PAX5: variants seen among roughly 807,000 people sequenced by gnomAD.
The protein encoded by PAX5 is paired box protein Pax-5.
Under a neutral mutation model 43.7 loss-of-function variants are expected in PAX5, and 9 were observed. The ratio of observed to expected loss-of-function variants is 0.21; its 90% CI spans 0.12 to 0.36. The LOEUF is 0.36. Ranked by LOEUF, PAX5 falls within the 10% of genes least tolerant of loss-of-function variation. The probability of loss-of-function intolerance (pLI) is 1.00; values close to 1 mark genes in which losing one functional copy is unlikely to be tolerated. For synonymous variants in PAX5, 228 were observed against 214.3 expected (o/e 1.06, Z -0.56); for missense variants, 383 against 532.7 (o/e 0.72, Z 2.77).
chr9:36,950,988 C>T (rs1832957069), intron 6 of PAX5, among the ~76,000 whole-genome samples: 1 of 152,058 alleles, frequency 6.6e-6, no homozygotes, highest in Non-Finnish European at 1.5e-5. Context: ...GTGATCCGCC[C>T]ACCTCGGCCT....
At chr9:36,856,143 C>T (rs147236080) in intron 8 of PAX5, among the ~76,000 whole-genome samples, 1 of 152,340 alleles carries the variant, frequency 6.6e-6, no homozygotes, top group Non-Finnish European at 1.5e-5. Context: ...AGGGCTTGCC[C>T]ACAATACCAA....
In PAX5 at chr9:36,834,048, C is replaced by G. The variant is rs1821464272; in HGVS notation, c.*6512G>C. 1 of 233,044 alleles carries G rather than the reference C, an allele frequency of 4.3e-6. No individual in the cohort carries two copies. The highest frequency in any genetic ancestry group is 1.8e-4 in the South Asian group (1 of 5,532). The allele number at this position is 233,044 out of a possible 1,614,324, so 14.4% of individuals were successfully genotyped here. ...CAAAGGTTTCCATTTGCAATGTAAT[C>G]TGCATTTCTACAAATACTCAATGTC... On this transcript the variant is annotated 3_prime_UTR_variant, in exon 10 of 10. Transcript: ENST00000358127.
chr9:36,990,938 C>T (rs1836880883), intron 5 of PAX5, among the ~76,000 whole-genome samples: 1 of 152,076 alleles, frequency 6.6e-6, no homozygotes, highest in Non-Finnish European at 1.5e-5. Flanking sequence ...GGTGAAATCC[C>T]ATCTCTACAA....
chr9:37,004,610 TCG>T (rs1838224796), intron 4 of PAX5, among the ~76,000 whole-genome samples: 2 of 152,190 alleles, frequency 1.3e-5, no homozygotes, highest in Admixed American at 1.3e-4. Context: ...GAGGCAGAAA[TCG>T]TTAACTTCTC....
chr9:36,844,951 G>A (rs1822421865), intron 9 of PAX5, among the ~76,000 whole-genome samples: 1 of 152,196 alleles, frequency 6.6e-6, no homozygotes, highest in Admixed American at 6.5e-5. Context: ...ATAAATGACA[G>A]CCACTATCAA....
intron 1 of PAX5, among the ~76,000 whole-genome samples, chr9:37,023,249 G>T (rs1447083555): frequency 6.6e-6 from 1 of 152,136 alleles, no homozygotes; most frequent in Non-Finnish European, 1.5e-5. Context: ...CACAACGGGA[G>T]GCAATAAGAA....
intron 6 of PAX5, among the ~76,000 whole-genome samples, chr9:36,963,586 G>C (rs1407916453): frequency 6.6e-6 from 1 of 152,238 alleles, no homozygotes; most frequent in Non-Finnish European, 1.5e-5. Context: ...CACGTTCAGG[G>C]AAGAAGTTAG....
At chr9:37,018,448 G>A (rs1368981861) in intron 2 of PAX5, among the ~76,000 whole-genome samples, 1 of 151,482 alleles carries the variant, frequency 6.6e-6, no homozygotes, top group African/African-American at 2.4e-5. Context: ...GATGACAGGG[G>A]TCCCTGTGTG....
chr9:36,976,688 A>G (rs771798741), intron 5 of PAX5, among the ~76,000 whole-genome samples: 22 of 152,328 alleles, frequency 1.4e-4, no homozygotes, highest in Non-Finnish European at 1.0e-4. Context: ...GTTTCACTCA[A>G]TCTTTCTTCT....
intron 2 of PAX5, among the ~76,000 whole-genome samples, chr9:37,018,749 C>T (rs1382671347): frequency 6.6e-6 from 1 of 152,078 alleles, no homozygotes; most frequent in Admixed American, 6.6e-5. Flanking sequence ...TTGTTGACAA[C>T]TTAAACGGTC....
chr9:36,888,079 C>T (rs1389592189), intron 7 of PAX5, among the ~76,000 whole-genome samples: 1 of 152,160 alleles, frequency 6.6e-6, no homozygotes. Flanking sequence ...AATAAAACAC[C>T]ACTTCATACC....
chr9:37,033,009 C>T (rs1841138810), intron 1 of PAX5, among the ~76,000 whole-genome samples: 1 of 152,216 alleles, frequency 6.6e-6, no homozygotes, highest in Admixed American at 6.5e-5. Context: ...GTGTGTGTGT[C>T]TGTGTGTACA....
intron 8 of PAX5, among the ~76,000 whole-genome samples, chr9:36,868,008 G>A (rs1188567179): frequency 6.6e-6 from 1 of 152,180 alleles, no homozygotes; most frequent in Non-Finnish European, 1.5e-5. Flanking sequence ...GACAATGAGA[G>A]TGACAGTCAA....
chr9:36,863,674 G>A (rs1481467863), intron 8 of PAX5, among the ~76,000 whole-genome samples: 1 of 152,178 alleles, frequency 6.6e-6, no homozygotes, highest in Admixed American at 6.5e-5. Context: ...ACTATCACTT[G>A]GGCAAGTTAC....
chr9:37,031,859 T>C (rs1044574997), intron 1 of PAX5, among the ~76,000 whole-genome samples: 3 of 152,180 alleles, frequency 2.0e-5, no homozygotes, highest in Admixed American at 6.5e-5. Flanking sequence ...AAATGGAATA[T>C]GGTTCTGAAG....
chr9:36,837,664 G>A lies in PAX5; in HGVS notation c.*2896C>T, dbSNP rs542291880. 6 of 233,348 alleles carry A rather than the reference G, an allele frequency of 2.6e-5. No homozygotes were observed. Among genetic ancestry groups the A allele is most frequent in the Admixed American group, 1.1e-4 (2 of 17,808 alleles). 14.5% of individuals were successfully genotyped at this position (233,348 alleles called of 1,614,324 possible). ...CGGGCGTGTGTGTGTGAGAACATCC[G>A]TGTGCATCCATGTGCGCTTGTGCTT... is the stretch of plus-strand genomic sequence containing the variant. On this transcript the variant is annotated 3_prime_UTR_variant, in exon 10 of 10. Transcript: ENST00000358127.
chr9:36,856,086 G>A (rs1168133935), intron 8 of PAX5, among the ~76,000 whole-genome samples: 1 of 152,184 alleles, frequency 6.6e-6, no homozygotes, highest in Non-Finnish European at 1.5e-5. Flanking sequence ...AGGAACCAAG[G>A]CTGACCATCT....
chr9:37,031,404 C>T (rs1840969246), intron 1 of PAX5, among the ~76,000 whole-genome samples: 1 of 152,126 alleles, frequency 6.6e-6, no homozygotes, highest in Non-Finnish European at 1.5e-5. Flanking sequence ...CACTCCATTC[C>T]AGGCTCATTC....
At chr9:37,016,566 A>G (rs564491194) in intron 2 of PAX5, among the ~76,000 whole-genome samples, 6 of 152,268 alleles carry the variant, frequency 3.9e-5, no homozygotes, top group South Asian at 2.1e-4. Context: ...TCAGGGGGGG[A>G]TAATTGACAT....
Sources: allele counts gnomAD v4.1 joint callset (sites outside exome capture counted in the v4.1 genomes callset), GRCh38; gene constraint gnomAD v4.1.1; transcripts MANE v1.5; gene names NCBI Gene and HGNC (gene_info 2026-07-23, HGNC 2026-07-21).